The following GDPD5 variants were observed in gnomAD, a reference collection of about 807,000 sequenced individuals.
The protein encoded by GDPD5 is glycerophosphodiester phosphodiesterase 2.
In GDPD5, 48 loss-of-function variants were observed where a neutral mutation model predicts 75.1. The observed-to-expected ratio is 0.64, with a 90% CI of 0.51 to 0.81. The LOEUF (loss-of-function observed/expected upper bound fraction) is 0.81, where lower values mean the gene tolerates loss of function less well. GDPD5 is among the 40% of genes least tolerant of loss of function. The pLI is 0.00. For missense variants in GDPD5, 706 were observed against 822.6 expected (o/e 0.86, Z 1.73); for synonymous variants, 336 against 339.0 (o/e 0.99, Z 0.10).
At position 75,439,909 on chromosome 11, in the gene GDPD5, G is replaced by T. The variant is rs186581194; in HGVS notation, c.1526C>A (p.Thr509Asn). The change falls in exon 15 of 17, where the codon ACC becomes AAC. Residue 509 changes from threonine (T) to asparagine (N), a missense_variant. Thr to Asn is a moderately conservative substitution (Grantham distance 65). Transcript: ENST00000336898. ...MWVTADLVSF[T>N]LIVGIFVLQK... Reference sequence around the variant, plus strand: ...GAGCACGAAGATGCCCACGATGAGGGTGAAGGAGACCAGGTCGGCAGTGAC... The same window carrying T: ...GAGCACGAAGATGCCCACGATGAGGTTGAAGGAGACCAGGTCGGCAGTGAC... The T allele has an allele frequency of 1.9e-6, 3 of 1,613,998 alleles. No homozygotes were observed. The highest frequency in any genetic ancestry group is 4.5e-5 in the East Asian group (2 of 44,866).
intron 1 of GDPD5, among the ~76,000 whole-genome samples, chr11:75,502,970 A>G (rs930566960): frequency 2.6e-5 from 4 of 152,256 alleles, no homozygotes; most frequent in African/African-American, 9.6e-5. Context: ...GCTGAGCCCA[A>G]GGCTGAGCTC....
chr11:75,489,638 T>C (rs779396624), intron 2 of GDPD5, among the ~76,000 whole-genome samples: 6 of 152,238 alleles, frequency 3.9e-5, no homozygotes, highest in Non-Finnish European at 8.8e-5. Flanking sequence ...GGAAGCCCAT[T>C]CAACCCTCAG....
At chr11:75,522,845 G>A (rs141177799) in intron 1 of GDPD5, among the ~76,000 whole-genome samples, 21 of 152,160 alleles carry the variant, frequency 1.4e-4, no homozygotes, top group African/African-American at 5.1e-4. Flanking sequence ...CGAGGGAATG[G>A]ACACCAGCTC....
intron 1 of GDPD5, among the ~76,000 whole-genome samples, chr11:75,509,991 C>G (rs1319642914): frequency 1.3e-5 from 2 of 152,204 alleles, no homozygotes; most frequent in Non-Finnish European, 2.9e-5. Context: ...CCCATTTTCA[C>G]ATAGATGGAA....
Position 75,444,498 on chromosome 11 carries a change from G to A in GDPD5, c.715-3C>T. ...ATGAGCGTGTGCTCTGGAGCCAGCT[G>A]GGGAAGAAGGGGTGGTGAAGGGAGA... is the stretch of plus-strand genomic sequence containing the variant. On this transcript the variant is annotated splice_polypyrimidine_tract_variant and splice_region_variant and intron_variant, in intron 9 of 16. Transcript: ENST00000336898. The A allele has an allele frequency of 1.2e-6, 2 of 1,611,296 alleles. No homozygotes were observed. The highest frequency in any genetic ancestry group is 2.2e-5 in the East Asian group (1 of 44,870).
rs1285946303 is a variant in GDPD5 at position 75,443,279 on chromosome 11, C to T, written c.805G>A (p.Gly269Ser). ...GTGTCATGCATGAGGAAGGGCACGC[C>T]GTCCAGGCTGCAGGGAGGGTGGGGC... Reference protein sequence around the residue: ...LQADITISLDGVPFLMHDTTL... With the variant: ...LQADITISLDSVPFLMHDTTL... Residue 269 changes from glycine (G) to serine (S), a missense_variant, in exon 11 of 17, where the codon GGC becomes AGC. Physicochemically the swap from Gly to Ser is moderately conservative, Grantham distance 56 (BLOSUM62 0). Coordinates refer to ENST00000336898, the MANE Select transcript of GDPD5 (RefSeq NM_030792.8). The T allele has an allele frequency of 7.5e-6, 12 of 1,608,020 alleles. No individual in the cohort carries two copies. Among genetic ancestry groups the T allele is most frequent in the Non-Finnish European group, 1.0e-5 (12 of 1,178,196 alleles).
At chr11:75,458,529 G>A (rs906642534) in intron 4 of GDPD5, among the ~76,000 whole-genome samples, 8 of 151,966 alleles carry the variant, frequency 5.3e-5, no homozygotes, top group South Asian at 2.1e-4. Flanking sequence ...AAAATTAGCC[G>A]GGCGTTGTGG....
intron 2 of GDPD5, chr11:75,479,132 T>C (rs1447498617): frequency 6.6e-6 from 1 of 152,222 alleles, no homozygotes; most frequent in Non-Finnish European, 1.5e-5. Flanking sequence ...GTTGGTAAAG[T>C]GTGACCAGGT....
At chr11:75,524,465 G>A (rs560624563) in intron 1 of GDPD5, among the ~76,000 whole-genome samples, 4 of 152,288 alleles carry the variant, frequency 2.6e-5, no homozygotes, top group Admixed American at 2.6e-4. Context: ...CTTTAGGATC[G>A]GACAACTGGC....
chr11:75,439,464 C>T, intron 15 of GDPD5: 1 of 417,498 alleles, frequency 2.4e-6, no homozygotes, highest in Non-Finnish European at 4.9e-6. Context: ...GAATAAAATC[C>T]CAGCCCCTTG....
intron 6 of GDPD5, among the ~76,000 whole-genome samples, chr11:75,450,234 G>C (rs1949104791): frequency 1.3e-5 from 2 of 152,148 alleles, no homozygotes; most frequent in Admixed American, 6.5e-5. Context: ...GGGACAGCGA[G>C]AAATGGAAGG....
intron 1 of GDPD5, among the ~76,000 whole-genome samples, chr11:75,498,611 T>C (rs770333129): frequency 6.6e-6 from 1 of 152,128 alleles, no homozygotes; most frequent in African/African-American, 2.4e-5. Context: ...GTTGGAGAGA[T>C]TGCCCAAAGC....
chr11:75,466,069 C>T (rs1035135834), intron 3 of GDPD5, among the ~76,000 whole-genome samples: 1 of 152,204 alleles, frequency 6.6e-6, no homozygotes, highest in Admixed American at 6.5e-5. Flanking sequence ...CTGCACCTCC[C>T]ACTCCTGGGA....
chr11:75,437,287 C>G, intron 15 of GDPD5: 1 of 543,662 alleles, frequency 1.8e-6, no homozygotes, highest in Non-Finnish European at 3.3e-6. Flanking sequence ...AGTCAGCAGC[C>G]CTGGCCCAGG....
At chr11:75,480,424 C>T (rs1949885255) in intron 2 of GDPD5, among the ~76,000 whole-genome samples, 1 of 152,086 alleles carries the variant, frequency 6.6e-6, no homozygotes, top group African/African-American at 2.4e-5. Flanking sequence ...GTAGTGCAAT[C>T]ATCGCTCATG....
chr11:75,443,244 C>T lies in GDPD5; in HGVS notation c.840G>A (p.Arg280=), dbSNP rs1446308049. ...ACTCCTCCTCCACGTTGGTGGTGCG[C>T]CGCAGGGTGGTGTCATGCATGAGGA... ...VPFLMHDTTL[R]RTTNVEEEFP... The change falls in exon 11 of 17, where the codon CGG becomes CGA. Residue 280 remains arginine, a synonymous_variant. Transcript: ENST00000336898. 3 of 1,609,996 alleles carry T rather than the reference C, an allele frequency of 1.9e-6. No individual in the cohort carries two copies. Among genetic ancestry groups the T allele is most frequent in the Middle Eastern group, 1.7e-4 (1 of 6,054 alleles).
intron 6 of GDPD5, chr11:75,455,217 G>C (rs972648236): frequency 4.1e-5 from 18 of 444,430 alleles, no homozygotes; most frequent in Admixed American, 1.2e-4. Context: ...CTGAGAGCCA[G>C]GCATGGCCCC....
chr11:75,453,283 T>A (rs1037505637), intron 6 of GDPD5, among the ~76,000 whole-genome samples: 3 of 152,028 alleles, frequency 2.0e-5, no homozygotes, highest in Admixed American at 2.0e-4. Flanking sequence ...CCTCCCCTCC[T>A]CAGGACCCAG....
At chr11:75,481,318 C>T (rs1949913871) in intron 2 of GDPD5, among the ~76,000 whole-genome samples, 1 of 152,228 alleles carries the variant, frequency 6.6e-6, no homozygotes, top group Admixed American at 6.5e-5. Context: ...ACACCACCAC[C>T]CAATGCTGAC....
Sources: gnomAD v4.1 joint callset for allele counts (sites outside exome capture counted in the v4.1 genomes callset) on GRCh38, gnomAD v4.1.1 for gene constraint, MANE v1.5 for transcripts, NCBI Gene and HGNC (gene_info 2026-07-23, HGNC 2026-07-21) for gene names.